The following DMTN variants were observed in gnomAD, a reference collection of about 807,000 sequenced individuals.
The protein encoded by DMTN is dematin.
A neutral mutation model predicts 59.4 loss-of-function variants in DMTN; 27 were observed. That is an observed-to-expected ratio of 0.45 (90% CI 0.33 to 0.63). The LOEUF is 0.63. DMTN is among the 20% of genes least tolerant of loss of function. DMTN has a pLI of 0.02. For missense variants in DMTN, 451 were observed against 528.9 expected, an observed-to-expected ratio of 0.85 and a Z score of 1.45; for synonymous variants, 221 against 203.7, an observed-to-expected ratio of 1.08 and a Z score of -0.72.
In DMTN at chr8:22,079,255, A is replaced by AAATAAATAAAT. The variant is rs1355039436; in HGVS notation, c.836-923_836-922insTAAATAAATAA. ...TGAGGCCTGGTTTCTACAAAAAATA[A>AAATAAATAAAT]AAATAAATAAATAAATAAATAAATA... On this transcript the variant is annotated intron_variant, in intron 10 of 15. Transcript: ENST00000358242. Among the ~76,000 whole-genome samples the AAATAAATAAAT allele has an allele frequency of 7.5e-3, 626 of 83,444 alleles. 40 individuals carry two copies. Among genetic ancestry groups the AAATAAATAAAT allele is most frequent in the Non-Finnish European group, 0.01 (450 of 43,526 alleles). The allele number at this position is 83,444 out of a possible 152,430, so 54.7% of individuals were successfully genotyped here.
At chr8:22,059,498 T>G (rs1804751008) in intron 1 of DMTN, 1 of 152,158 alleles carries the variant, frequency 6.6e-6, no homozygotes, top group Admixed American at 6.5e-5. Flanking sequence ...CTGTCTAAGG[T>G]TAGCACGTGG....
chr8:22,071,859 C>T (rs1048574335), intron 8 of DMTN, among the ~76,000 whole-genome samples: 2 of 152,118 alleles, frequency 1.3e-5, no homozygotes, highest in Admixed American at 6.5e-5. Flanking sequence ...GGATTACAGG[C>T]GTGAGTCCCC....
chr8:22,069,592 G>A, intron 6 of DMTN, 74 bp downstream of exon 6: 1 of 1,286,140 alleles, frequency 7.8e-7, no homozygotes, highest in Non-Finnish European at 1.1e-6. Context: ...CTTACGCTCA[G>A]TCCCCCACTC....
In DMTN at chr8:22,064,942, C is replaced by T. The variant is rs117553401; in HGVS notation, c.-171-1763C>T. Among the ~76,000 whole-genome samples the T allele has an allele frequency of 1.7e-3, 258 of 152,280 alleles. 3 individuals are homozygous for T. In the East Asian group the frequency reaches 0.032, roughly 19 times the overall value. On this transcript the variant is annotated intron_variant, in intron 1 of 15. Coordinates refer to ENST00000358242, the MANE Select transcript of DMTN (RefSeq NM_001387751.1). ...GACAAATTTTTAACCTCTCTGAGCC[C>T]GTTTCCTTATCTGTAAATGGGTCTA...
At chr8:22,076,095 A>C (rs1334956333) in intron 10 of DMTN, among the ~76,000 whole-genome samples, 3 of 152,162 alleles carry the variant, frequency 2.0e-5, no homozygotes, top group Non-Finnish European at 4.4e-5. Flanking sequence ...GTGATGACCA[A>C]CTTGGAACTG....
At chr8:22,073,200 G>T (rs1563496024) in intron 9 of DMTN, among the ~76,000 whole-genome samples, 1 of 152,188 alleles carries the variant, frequency 6.6e-6, no homozygotes, top group Non-Finnish European at 1.5e-5. Flanking sequence ...TTCAAGGGTG[G>T]CCAAACCCAT....
At chr8:22,076,440 A>T (rs1453105944) in intron 10 of DMTN, among the ~76,000 whole-genome samples, 1 of 152,098 alleles carries the variant, frequency 6.6e-6, no homozygotes, top group Non-Finnish European at 1.5e-5. Flanking sequence ...CACTGTCTCT[A>T]TAAAAAATAG....
rs1823199311 is a variant in DMTN at position 22,080,163 on chromosome 8, C to A, written c.836-17C>A. On this transcript the variant is annotated splice_polypyrimidine_tract_variant and intron_variant, in intron 10 of 15. Coordinates refer to ENST00000358242, the MANE Select transcript of DMTN (RefSeq NM_001387751.1). Reference sequence around the variant, plus strand: ...GGGCCAAAGGGACTGAACTCAGGACCTTTTGCTGTCTTCCAGCCTTGCACC... The same window carrying A: ...GGGCCAAAGGGACTGAACTCAGGACATTTTGCTGTCTTCCAGCCTTGCACC... 1 of 1,613,974 alleles carries A rather than the reference C, an allele frequency of 6.2e-7. No homozygotes were observed. The highest frequency in any genetic ancestry group is 1.7e-5 in the Admixed American group (1 of 60,000).
At chr8:22,050,935 T>C (rs1801290395), upstream of DMTN, among the ~76,000 whole-genome samples, 1 of 152,172 alleles carries the variant, frequency 6.6e-6, no homozygotes, top group Admixed American at 6.5e-5. Context: ...ACTTCGAAGA[T>C]GCTAAAAGGA....
intron 10 of DMTN, among the ~76,000 whole-genome samples, chr8:22,079,269 A>ATATATATAT (rs1554562269): frequency 7.9e-3 from 166 of 21,096 alleles, no homozygotes; most frequent in African/African-American, 0.027. Flanking sequence ...TAAATAAATA[A>ATATATATAT]ATAAATAAAT....
Position 22,080,196 on chromosome 8 carries a change from G to C in DMTN, c.852G>C (p.Thr284=). Residue 284 remains threonine, a synonymous_variant, in exon 11 of 16, where the codon ACG becomes ACC. Coordinates refer to ENST00000358242, the MANE Select transcript of DMTN (RefSeq NM_001387751.1). Reference sequence around the variant, plus strand: ...GTCTTCCAGCCTTGCACCAGGGAACGTCTAAATCTTCCTCTCTCCCCGCCT... The same window carrying C: ...GTCTTCCAGCCTTGCACCAGGGAACCTCTAAATCTTCCTCTCTCCCCGCCT... The part of the protein sequence containing the change: ...TPFHTSLHQG[T]SKSSSLPAYG... The C allele has an allele frequency of 6.2e-6, 10 of 1,614,186 alleles. No individual in the cohort carries two copies. Among genetic ancestry groups the C allele is most frequent in the Non-Finnish European group, 6.8e-6 (8 of 1,180,046 alleles).
At chr8:22,078,172 A>T (rs7004235) in intron 10 of DMTN, among the ~76,000 whole-genome samples, 1 of 151,766 alleles carries the variant, frequency 6.6e-6, no homozygotes, top group Non-Finnish European at 1.5e-5. Flanking sequence ...CAAGACCAGC[A>T]TGGCCAACAT....
At chr8:22,078,679 A>G (rs577930516) in intron 10 of DMTN, among the ~76,000 whole-genome samples, 10 of 151,932 alleles carry the variant, frequency 6.6e-5, no homozygotes, top group Admixed American at 5.9e-4. Flanking sequence ...TAGAGATCCT[A>G]TTAAATGTGC....
chr8:22,063,499 T>C (rs1244675099), intron 1 of DMTN, among the ~76,000 whole-genome samples: 1 of 152,202 alleles, frequency 6.6e-6, no homozygotes, highest in Non-Finnish European at 1.5e-5. Flanking sequence ...GATTACGACC[T>C]AACCCTAGGC....
rs183532120 is a variant in DMTN, at chr8:22,062,538, T to C, written c.-171-4167T>C. On this transcript the variant is annotated intron_variant, in intron 1 of 15. Transcript: ENST00000358242. ...CAGCCTCAGTCTTTCCTGTCTACCG[T>C]TCTCTCTCTGCTGTCTGCAAACACA... 4.6e-5 allele frequency among the ~76,000 whole-genome samples: 7 copies of C among 152,210 alleles called. No individual in the cohort carries two copies. The East Asian group carries it at 1.4e-3, about 29-fold the overall frequency.
intron 8 of DMTN, 31 bp downstream of exon 8, chr8:22,070,365 G>T: frequency 6.4e-7 from 1 of 1,569,330 alleles, no homozygotes; most frequent in Admixed American, 1.9e-5. Context: ...GGAATGGGTG[G>T]TCTGGGAAAC....
upstream of DMTN, among the ~76,000 whole-genome samples, chr8:22,054,317 G>A (rs979948677): frequency 1.4e-4 from 21 of 151,802 alleles, no homozygotes; most frequent in Non-Finnish European, 3.1e-4. Context: ...TGAGACTCAG[G>A]CATGGTGGGG....
chr8:22,080,911 G>A (rs1008774120), intron 14 of DMTN, 41 bp downstream of exon 14: 2 of 1,534,004 alleles, frequency 1.3e-6, no homozygotes, highest in Non-Finnish European at 8.8e-7. Context: ...CGGGGCGGGA[G>A]GCTGGGGAGA....
chr8:22,049,523 G>T (rs925183162), upstream of DMTN, among the ~76,000 whole-genome samples: 1 of 151,636 alleles, frequency 6.6e-6, no homozygotes, highest in Non-Finnish European at 1.5e-5. Context: ...TCTTCAGTGC[G>T]CTGGCTTTTA....
Sources: gnomAD v4.1 joint callset for allele counts (sites outside exome capture counted in the v4.1 genomes callset) on GRCh38, gnomAD v4.1.1 for gene constraint, MANE v1.5 for transcripts, NCBI Gene and HGNC (gene_info 2026-07-23, HGNC 2026-07-21) for gene names.